The following PCDH15 variants were observed in gnomAD, a reference collection of about 807,000 sequenced individuals.
PCDH15 encodes the protein protocadherin related 15, also known as protocadherin-15.
Under a neutral mutation model 178.5 loss-of-function variants are expected in PCDH15, and 129 were observed. The ratio of observed to expected loss-of-function variants is 0.72; its 90% CI spans 0.63 to 0.84. The LOEUF (loss-of-function observed/expected upper bound fraction) is 0.84. Ranked by LOEUF, PCDH15 falls within the 40% of genes least tolerant of loss-of-function variation. The pLI is 0.00. For synonymous variants in PCDH15, 800 were observed against 732.0 expected (o/e 1.09, Z -1.50); for missense variants, 2,230 against 2,099.9 (o/e 1.06, Z -1.21).
chr10:54,011,193 C>T (rs887650722), intron 20 of PCDH15, among the ~76,000 whole-genome samples: 3 of 152,186 alleles, frequency 2.0e-5, no homozygotes, highest in Admixed American at 1.3e-4. Context: ...CCGAAAGCCC[C>T]TCTACCACTG....
chr10:54,435,092 A>G (rs536140003), intron 3 of PCDH15, among the ~76,000 whole-genome samples: 126 of 152,266 alleles, frequency 8.3e-4, no homozygotes, highest in African/African-American at 2.9e-3. Flanking sequence ...CAGATTTATC[A>G]CTGATTTCAG....
chr10:54,104,049 A>G (rs766459241), intron 15 of PCDH15, among the ~76,000 whole-genome samples: 19 of 152,210 alleles, frequency 1.2e-4, no homozygotes, highest in Non-Finnish European at 2.5e-4. Flanking sequence ...ATTCAGAAGC[A>G]AACAGGAGTG....
At chr10:53,973,162 A>G (rs2089891266) in intron 21 of PCDH15, among the ~76,000 whole-genome samples, 1 of 151,970 alleles carries the variant, frequency 6.6e-6, no homozygotes, top group African/African-American at 2.4e-5. Context: ...GAAGCTGGAA[A>G]CCATCATTCT....
At position 54,266,146 on chromosome 10, in the gene PCDH15, AAC is replaced by A. The variant is rs145223349; in HGVS notation, c.877-29217_877-29216del. Among the ~76,000 whole-genome samples, 55 of 150,070 alleles carry A rather than the reference AAC, an allele frequency of 3.7e-4. No homozygotes were observed. In the East Asian group the frequency reaches 8.6e-3, roughly 23 times the overall value. On this transcript the variant is annotated intron_variant, in intron 8 of 37. Transcript: ENST00000644397. ...AGAGGAACTCTAAAACGCAGACACA[AAC>A]ACACACACACACACATACACACACA...
intron 2 of PCDH15, among the ~76,000 whole-genome samples, chr10:55,467,373 CTTTT>C (rs59787759): frequency 1.1e-5 from 1 of 87,764 alleles, no homozygotes; most frequent in Non-Finnish European, 2.5e-5. Flanking sequence ...CTTGGCCTGA[CTTTT>C]TTTTTTTTTT....
chr10:55,110,543 C>G (rs1837475487), intron 2 of PCDH15, among the ~76,000 whole-genome samples: 1 of 151,918 alleles, frequency 6.6e-6, no homozygotes, highest in African/African-American at 2.4e-5. Context: ...TGGATTCAAA[C>G]TTTCAGTTGT....
At chr10:54,073,602 A>G (rs2384371) in intron 17 of PCDH15, among the ~76,000 whole-genome samples, 128,597 of 152,170 alleles carry the variant, frequency 0.85, 54,779 homozygotes, top group African/African-American at 0.94. Context: ...GCAATCTGAA[A>G]TTGTGAAATA....
chr10:55,048,275 G>GA (rs1841064010), intron 2 of PCDH15, among the ~76,000 whole-genome samples: 1 of 151,450 alleles, frequency 6.6e-6, no homozygotes, highest in Non-Finnish European at 1.5e-5. Flanking sequence ...AATACTTTAA[G>GA]AAAAAACAAC....
chr10:55,078,421 A>T (rs970323085), intron 2 of PCDH15, among the ~76,000 whole-genome samples: 7 of 152,084 alleles, frequency 4.6e-5, no homozygotes, highest in Non-Finnish European at 8.8e-5. Flanking sequence ...CAACTTTTTC[A>T]TTCTTCATCC....
chr10:54,642,676 A>G (rs944927394), intron 2 of PCDH15, among the ~76,000 whole-genome samples: 2 of 152,152 alleles, frequency 1.3e-5, no homozygotes, highest in Non-Finnish European at 2.9e-5. Context: ...CCATACCCCA[A>G]ATGATCTATT....
intron 2 of PCDH15, among the ~76,000 whole-genome samples, chr10:54,614,808 A>G (rs1446659533): frequency 6.6e-6 from 1 of 151,838 alleles, no homozygotes; most frequent in Non-Finnish European, 1.5e-5. Flanking sequence ...CTGCCTTTTC[A>G]TTCTGGGCTC....
At chr10:55,387,725 T>A (rs1837696513) in intron 2 of PCDH15, among the ~76,000 whole-genome samples, 1 of 152,126 alleles carries the variant, frequency 6.6e-6, no homozygotes, top group Admixed American at 6.6e-5. Flanking sequence ...TGTTTTTCAT[T>A]TAATTCTGTA....
intron 2 of PCDH15, among the ~76,000 whole-genome samples, chr10:54,559,870 A>AAAAAAAG (rs2087849664): frequency 1.8e-5 from 1 of 54,326 alleles, no homozygotes; most frequent in Admixed American, 1.6e-4. Flanking sequence ...AAAAAAAAAA[A>AAAAAAAG]AAAAGAAAAG....
In PCDH15 at chr10:53,974,439, T is replaced by G. The variant is rs184457732; in HGVS notation, c.2869-12547A>C. 2.7e-3 allele frequency among the ~76,000 whole-genome samples: 417 copies of G among 152,234 alleles called. 1 individual carries two copies. The highest frequency in any genetic ancestry group is 9.8e-3 in the African/African-American group (407 of 41,570). On this transcript the variant is annotated intron_variant, in intron 21 of 37. Coordinates refer to ENST00000644397, the MANE Select transcript of PCDH15 (RefSeq NM_001384140.1). ...ATAATATACTTATTTATATAAGATATATTTGTAAGAGAAATTTAAAAATTG... is the reference window on the plus strand; with the variant it reads ...ATAATATACTTATTTATATAAGATAGATTTGTAAGAGAAATTTAAAAATTG...
At chr10:55,609,691 GCTAT>G (rs1321004221) in intron 2 of PCDH15, among the ~76,000 whole-genome samples, 1 of 151,946 alleles carries the variant, frequency 6.6e-6, no homozygotes, top group African/African-American at 2.4e-5. Context: ...TCATAATCGT[GCTAT>G]CTATTTAACA....
At chr10:55,191,543 A>C (rs1011847839) in intron 1 of PCDH15, among the ~76,000 whole-genome samples, 21 of 151,878 alleles carry the variant, frequency 1.4e-4, no homozygotes, top group Admixed American at 1.4e-3. Flanking sequence ...TCTAAATTCA[A>C]ATCTAGAGGT....
intron 2 of PCDH15, among the ~76,000 whole-genome samples, chr10:55,090,640 C>T (rs941542585): frequency 6.6e-6 from 1 of 152,046 alleles, no homozygotes; most frequent in Non-Finnish European, 1.5e-5. Flanking sequence ...CTTATTCTAT[C>T]ACCACATTCA....
intron 2 of PCDH15, among the ~76,000 whole-genome samples, chr10:55,517,968 T>A (rs1292074704): frequency 6.6e-6 from 1 of 152,152 alleles, no homozygotes; most frequent in East Asian, 1.9e-4. Flanking sequence ...GTTACATCCC[T>A]AAAATGACCC....
intron 8 of PCDH15, among the ~76,000 whole-genome samples, chr10:54,268,003 G>A (rs2057802574): frequency 1.3e-5 from 2 of 151,742 alleles, no homozygotes; most frequent in Admixed American, 6.6e-5. Flanking sequence ...ACAGACAGGG[G>A]CAACACATTA....
Sources: allele counts gnomAD v4.1 joint callset (sites outside exome capture counted in the v4.1 genomes callset), GRCh38; gene constraint gnomAD v4.1.1; transcripts MANE v1.5; gene names NCBI Gene and HGNC (gene_info 2026-07-23, HGNC 2026-07-21).